The following NMT1 variants were observed in gnomAD, a reference collection of about 807,000 sequenced individuals.
NMT1 encodes the protein N-myristoyltransferase 1.
Under a neutral mutation model 63.4 loss-of-function variants are expected in NMT1, and 12 were observed. The observed-to-expected ratio is 0.19, with a 90% confidence interval of 0.12 to 0.31. NMT1 has a LOEUF of 0.31. NMT1 is among the 10% of genes least tolerant of loss of function. The pLI is 1.00. For synonymous variants in NMT1, 228 were observed against 234.3 expected (o/e 0.97, Z 0.25); for missense variants, 432 against 634.6 (o/e 0.68, Z 3.43).
At chr17:45,097,378 G>A (rs2054132153) in intron 6 of NMT1, 134 bp downstream of exon 6, 2 of 736,746 alleles carry the variant, frequency 2.7e-6, no homozygotes, top group Non-Finnish European at 4.9e-6. Context: ...ATGCCCAGGT[G>A]CGGGGACTGC....
At position 45,102,834 on chromosome 17, in the gene NMT1, G is replaced by A. The variant is rs149295437; in HGVS notation, c.994-117G>A. ...TGTGCCTGAGGAGATATGCACGGGG[G>A]TGCAGGGAGCCGCCGAATGACCAGG... is the stretch of plus-strand genomic sequence containing the variant. On this transcript the variant is annotated intron_variant, in intron 8 of 11. Coordinates refer to ENST00000258960, the MANE Select transcript of NMT1 (RefSeq NM_021079.5). 305 of 896,658 alleles carry A rather than the reference G, an allele frequency of 3.4e-4. No individual in the cohort carries two copies. In the African/African-American group the frequency reaches 4.5e-3, roughly 13 times the overall value. 55.5% of individuals were successfully genotyped at this position (896,658 alleles called of 1,614,324 possible).
chr17:45,099,900 T>C (rs2054149999), intron 8 of NMT1: 1 of 167,980 alleles, frequency 6.0e-6, no homozygotes, highest in Non-Finnish European at 1.3e-5. Flanking sequence ...GTGACGCCCC[T>C]CTGCCGGGTC....
chr17:45,062,065 T>C (rs1181563997), intron 1 of NMT1, among the ~76,000 whole-genome samples: 1 of 152,218 alleles, frequency 6.6e-6, no homozygotes, highest in Non-Finnish European at 1.5e-5. Flanking sequence ...GATATATTAA[T>C]ATAATTAAGT....
rs560155831 is a variant in NMT1, at chr17:45,088,470, T to C, written c.385+1818T>C. 3.0e-3 allele frequency among the ~76,000 whole-genome samples: 453 copies of C among 152,296 alleles called. 1 individual carries two copies. Among genetic ancestry groups the C allele is most frequent in the African/African-American group, 9.8e-3 (407 of 41,582 alleles). ...AGTGGCACTTGGGAAAGAGGCAGAT[T>C]GAGGCTGGGCGCAGTGGCTCACGCC... On this transcript the variant is annotated intron_variant, in intron 3 of 11. Coordinates refer to ENST00000258960, the MANE Select transcript of NMT1 (RefSeq NM_021079.5).
chr17:45,088,765 T>TAAA (rs34592604), intron 3 of NMT1, among the ~76,000 whole-genome samples: 5 of 141,746 alleles, frequency 3.5e-5, no homozygotes, highest in East Asian at 2.0e-4. Context: ...AAAATGAATT[T>TAAA]AAAAAAAAAA....
chr17:45,099,869 C>T (rs985086875), intron 8 of NMT1: 11 of 225,404 alleles, frequency 4.9e-5, no homozygotes, highest in East Asian at 3.2e-4. Context: ...CAAAGCCCAG[C>T]GCAGATGCAC....
At chr17:45,073,243 AC>A in intron 1 of NMT1, among the ~76,000 whole-genome samples, 1 of 152,056 alleles carries the variant, frequency 6.6e-6, no homozygotes, top group South Asian at 2.1e-4. Context: ...ACATGGTGAA[AC>A]CCTGTCTCTA....
chr17:45,088,036 C>T (rs1260397481), intron 3 of NMT1, among the ~76,000 whole-genome samples: 1 of 152,206 alleles, frequency 6.6e-6, no homozygotes, highest in Non-Finnish European at 1.5e-5. Flanking sequence ...TGCTCTAGAG[C>T]GGATGCAGTT....
chr17:45,071,090 T>C (rs2053936654), intron 1 of NMT1, among the ~76,000 whole-genome samples: 1 of 152,206 alleles, frequency 6.6e-6, no homozygotes, highest in African/African-American at 2.4e-5. Context: ...TGAGTACTAA[T>C]AGGATTATTA....
chr17:45,092,308 A>T (rs1485176955), intron 3 of NMT1, among the ~76,000 whole-genome samples: 1 of 152,124 alleles, frequency 6.6e-6, no homozygotes, highest in Non-Finnish European at 1.5e-5. Flanking sequence ...AATGTGTCTG[A>T]TGGAAGAGGG....
At chr17:45,069,530 A>T (rs1256965387) in intron 1 of NMT1, among the ~76,000 whole-genome samples, 1 of 151,702 alleles carries the variant, frequency 6.6e-6, no homozygotes, top group African/African-American at 2.4e-5. Flanking sequence ...TAATCTCGTG[A>T]TCTGCCCACC....
Position 45,106,107 on chromosome 17 carries a change from C to T in NMT1, c.*468C>T, listed in dbSNP as rs576637742. The T allele has an allele frequency of 6.6e-6, 1 of 152,466 alleles. No individual in the cohort carries two copies. Among genetic ancestry groups the T allele is most frequent in the South Asian group, 2.1e-4 (1 of 4,820 alleles). 9.4% of individuals were successfully genotyped at this position (152,466 alleles called of 1,614,324 possible). On this transcript the variant is annotated 3_prime_UTR_variant, in exon 12 of 12. Coordinates refer to ENST00000258960, the MANE Select transcript of NMT1 (RefSeq NM_021079.5). ...ACAGTGGCAGACAGACGCGTTGGCA[C>T]AGTTCATGGTTTCCTCCAGAGGAGA...
intron 1 of NMT1, among the ~76,000 whole-genome samples, chr17:45,073,144 C>T (rs949068840): frequency 4.6e-5 from 7 of 151,958 alleles, no homozygotes; most frequent in South Asian, 2.1e-4. Flanking sequence ...GTAGTCTGGC[C>T]GGGCGCGGTG....
At chr17:45,086,359 A>G (rs1174443272) in intron 2 of NMT1, 149 bp from the exon 3 acceptor site, 3 of 697,244 alleles carry the variant, frequency 4.3e-6, no homozygotes, top group Non-Finnish European at 6.7e-6. Context: ...TCCTAACCTC[A>G]AGTGATCTGC....
chr17:45,082,788 G>T (rs138642004), intron 2 of NMT1, among the ~76,000 whole-genome samples: 5,131 of 152,224 alleles, frequency 0.034, 284 homozygotes, highest in African/African-American at 0.12. Context: ...GGCCAAGGCG[G>T]GTGGATCACC....
intron 3 of NMT1, among the ~76,000 whole-genome samples, chr17:45,087,099 G>A (rs1390628362): frequency 6.6e-6 from 1 of 151,844 alleles, no homozygotes; most frequent in African/African-American, 2.4e-5. Flanking sequence ...AGGTCAAGGC[G>A]GCAGTGAGCT....
chr17:45,080,800 T>G (rs923444360), intron 1 of NMT1, among the ~76,000 whole-genome samples: 5 of 151,626 alleles, frequency 3.3e-5, no homozygotes, highest in Non-Finnish European at 5.9e-5. Context: ...GAGGTCTGTC[T>G]CTGTCATACA....
chr17:45,085,470 T>C (rs185931256), intron 2 of NMT1, among the ~76,000 whole-genome samples: 33 of 152,348 alleles, frequency 2.2e-4, no homozygotes, highest in African/African-American at 7.2e-4. Flanking sequence ...TTTTAGTTTT[T>C]GAAAAGTGTG....
intron 2 of NMT1, among the ~76,000 whole-genome samples, chr17:45,085,783 G>T (rs920770572): frequency 1.3e-5 from 2 of 151,692 alleles, no homozygotes; most frequent in African/African-American, 4.8e-5. Flanking sequence ...TAGGACAGAG[G>T]AACCAAACCC....
Sources: gnomAD v4.1 joint callset for allele counts (sites outside exome capture counted in the v4.1 genomes callset) on GRCh38, gnomAD v4.1.1 for gene constraint, MANE v1.5 for transcripts, NCBI Gene and HGNC (gene_info 2026-07-23, HGNC 2026-07-21) for gene names.